Variants in PARVA observed in about 807,000 individuals in gnomAD.
PARVA encodes the protein alpha-parvin.
PARVA carries 25 observed loss-of-function variants against 52.6 expected under a neutral mutation model. The observed-to-expected ratio is 0.48, with a 90% CI of 0.35 to 0.66. The LOEUF (loss-of-function observed/expected upper bound fraction) is 0.66, where lower values mean the gene tolerates loss of function less well. Among genes scored for constraint, PARVA ranks in the 30% least tolerant of loss-of-function variants. The probability of loss-of-function intolerance (pLI) is 0.01; values close to 1 mark genes in which losing one functional copy is unlikely to be tolerated. For missense variants in PARVA, 373 were observed against 450.9 expected, an observed-to-expected ratio of 0.83 and a Z score of 1.56; for synonymous variants, 185 against 179.1, an observed-to-expected ratio of 1.03 and a Z score of -0.26.
chr11:12,510,193 A>G (rs1294716460), intron 7 of PARVA, among the ~76,000 whole-genome samples: 3 of 152,186 alleles, frequency 2.0e-5, no homozygotes, highest in Non-Finnish European at 2.9e-5. Context: ...AAGGGTGAGG[A>G]AGGAGACTGT....
At chr11:12,410,366 C>T (rs1442387190) in intron 1 of PARVA, among the ~76,000 whole-genome samples, 1 of 152,224 alleles carries the variant, frequency 6.6e-6, no homozygotes, top group East Asian at 1.9e-4. Context: ...GTCTGCCTTT[C>T]CCCCCGGCAG....
At chr11:12,390,268 G>T (rs1397285785) in intron 1 of PARVA, among the ~76,000 whole-genome samples, 2 of 152,202 alleles carry the variant, frequency 1.3e-5, no homozygotes, top group Non-Finnish European at 2.9e-5. Context: ...GCATGGTTTT[G>T]GCCGTGCGAT....
chr11:12,397,216 C>T (rs1180829566), intron 1 of PARVA, among the ~76,000 whole-genome samples: 1 of 152,058 alleles, frequency 6.6e-6, no homozygotes, highest in Admixed American at 6.6e-5. Flanking sequence ...TTTATTTAAT[C>T]ATATCTTTCA....
chr11:12,413,169 C>A (rs866493903), intron 1 of PARVA, among the ~76,000 whole-genome samples: 1 of 152,316 alleles, frequency 6.6e-6, no homozygotes, highest in Middle Eastern at 3.4e-3. Context: ...CCCATTCTGC[C>A]ACAAAGATAT....
intron 5 of PARVA, among the ~76,000 whole-genome samples, chr11:12,502,472 TG>T: frequency 1.3e-5 from 2 of 152,054 alleles, no homozygotes; most frequent in East Asian, 3.9e-4. Flanking sequence ...CTGGTAGGAC[TG>T]TGAAGGCAGG....
intron 12 of PARVA, among the ~76,000 whole-genome samples, chr11:12,522,224 G>T (rs1941645795): frequency 1.3e-5 from 2 of 152,234 alleles, no homozygotes; most frequent in Non-Finnish European, 2.9e-5. Flanking sequence ...TCATATCATG[G>T]ATTATAATAC....
chr11:12,526,280 C>G (rs1045198285), intron 12 of PARVA, among the ~76,000 whole-genome samples: 1 of 152,136 alleles, frequency 6.6e-6, no homozygotes, highest in African/African-American at 2.4e-5. Context: ...CCCTGGCTCC[C>G]CACTCTGCCT....
intron 3 of PARVA, among the ~76,000 whole-genome samples, chr11:12,475,184 G>A (rs933894184): frequency 9.2e-5 from 14 of 151,974 alleles, no homozygotes; most frequent in South Asian, 2.1e-4. Context: ...CAGCCGATGC[G>A]TGCTCCCAGC....
chr11:12,463,478 G>C (rs2135026061), intron 1 of PARVA, among the ~76,000 whole-genome samples: 1 of 152,124 alleles, frequency 6.6e-6, no homozygotes, highest in Middle Eastern at 3.4e-3. Context: ...TATAGTTATG[G>C]GTTTCTGGAA....
At chr11:12,509,240 G>C (rs536161304) in intron 7 of PARVA, among the ~76,000 whole-genome samples, 1 of 152,082 alleles carries the variant, frequency 6.6e-6, no homozygotes, top group African/African-American at 2.4e-5. Context: ...GCAAAGTCAG[G>C]CAGTTAGCTT....
intron 4 of PARVA, among the ~76,000 whole-genome samples, chr11:12,481,712 G>A (rs573262291): frequency 1.6e-4 from 25 of 152,116 alleles, no homozygotes; most frequent in South Asian, 4.1e-4. Flanking sequence ...GCTTCTAATC[G>A]TACTGGGGGT....
chr11:12,513,884 C>G, intron 9 of PARVA, 113 bp from the exon 10 acceptor site: 1 of 939,086 alleles, frequency 1.1e-6, no homozygotes, highest in Non-Finnish European at 1.7e-6. Context: ...CTTGGCTGGG[C>G]CTGATCCTCT....
intron 12 of PARVA, among the ~76,000 whole-genome samples, chr11:12,518,835 C>A (rs1941604722): frequency 6.6e-6 from 1 of 152,200 alleles, no homozygotes; most frequent in Admixed American, 6.5e-5. Context: ...GCTGACCTGC[C>A]AAAGAGCTGT....
chr11:12,492,326 A>G (rs572838683), intron 4 of PARVA, among the ~76,000 whole-genome samples: 13 of 152,286 alleles, frequency 8.5e-5, no homozygotes, highest in African/African-American at 2.6e-4. Flanking sequence ...ACATCCTATC[A>G]ATTTCAAAAT....
chr11:12,448,963 T>G (rs1589961452), intron 1 of PARVA, among the ~76,000 whole-genome samples: 1 of 152,314 alleles, frequency 6.6e-6, no homozygotes, highest in East Asian at 1.9e-4. Flanking sequence ...TGAGTTGACA[T>G]TTAGCTAAGA....
intron 10 of PARVA, among the ~76,000 whole-genome samples, chr11:12,514,269 T>C (rs1941541347): frequency 6.6e-6 from 1 of 152,234 alleles, no homozygotes. Context: ...TGAATACTCA[T>C]ATACCCTTCA....
intron 1 of PARVA, among the ~76,000 whole-genome samples, chr11:12,433,174 C>T (rs1033572892): frequency 3.3e-5 from 5 of 152,140 alleles, no homozygotes; most frequent in East Asian, 1.9e-4. Flanking sequence ...TTCATTTTTG[C>T]GACGACCTTA....
intron 1 of PARVA, among the ~76,000 whole-genome samples, chr11:12,381,462 A>G (rs542819919): frequency 3.9e-5 from 6 of 152,262 alleles, no homozygotes; most frequent in Admixed American, 2.6e-4. Flanking sequence ...GGTACCTGCT[A>G]TGTCCCACTG....
chr11:12,398,766 A>T (rs1016347791), intron 1 of PARVA, among the ~76,000 whole-genome samples: 10 of 152,092 alleles, frequency 6.6e-5, no homozygotes, highest in African/African-American at 2.4e-4. Flanking sequence ...AACCAGGCTC[A>T]TATAAAGCAC....
Sources: allele counts gnomAD v4.1 joint callset (sites outside exome capture counted in the v4.1 genomes callset), GRCh38; gene constraint gnomAD v4.1.1; transcripts MANE v1.5; gene names NCBI Gene and HGNC (gene_info 2026-07-23, HGNC 2026-07-21).